Variants in SYN2 observed in about 807,000 individuals in gnomAD.
The protein encoded by SYN2 is synapsin-2.
A neutral mutation model predicts 50.9 loss-of-function variants in SYN2; 19 were observed. The ratio of observed to expected loss-of-function variants is 0.37; its 90% confidence interval spans 0.26 to 0.55. The LOEUF is 0.55. Ranked by LOEUF, SYN2 falls within the 20% of genes least tolerant of loss-of-function variation. The pLI is 0.81. For missense variants in SYN2, 587 were observed against 576.4 expected, an observed-to-expected ratio of 1.02 and a Z score of -0.19; for synonymous variants, 255 against 224.9, an observed-to-expected ratio of 1.13 and a Z score of -1.20.
At position 12,004,519 on chromosome 3, in the gene SYN2, G is replaced by A. The variant is rs759900410; in HGVS notation, c.-33G>A. 5.5e-6 allele frequency: 3 copies of A among 549,310 alleles called. No homozygotes were observed. The highest frequency in any genetic ancestry group is 4.0e-5 in the South Asian group (2 of 49,564). 34.0% of individuals were successfully genotyped at this position (549,310 alleles called of 1,614,324 possible). On this transcript the variant is annotated 5_prime_UTR_variant, in exon 1 of 13. Transcript: ENST00000621198. ...CTCTCCCTCCGCGCCACCAGACCCC[G>A]TAGCCCCGCGCGCCCCCAGCCCTTT...
At chr3:12,111,852 G>T (rs781262368) in intron 1 of SYN2, among the ~76,000 whole-genome samples, 1 of 152,192 alleles carries the variant, frequency 6.6e-6, no homozygotes, top group Non-Finnish European at 1.5e-5. Context: ...TCCTTGGCTA[G>T]TGTAGTGTGA....
chr3:12,071,864 T>G (rs1010746811), intron 1 of SYN2, among the ~76,000 whole-genome samples: 64 of 152,326 alleles, frequency 4.2e-4, no homozygotes, highest in Middle Eastern at 3.4e-3. Context: ...TAGCTGATGT[T>G]TTCCTGCCAG....
At chr3:12,117,287 T>C (rs1260381693) in intron 1 of SYN2, among the ~76,000 whole-genome samples, 1 of 152,198 alleles carries the variant, frequency 6.6e-6, no homozygotes, top group Non-Finnish European at 1.5e-5. Context: ...TTGTTATTCT[T>C]AGAGAAAACA....
intron 3 of SYN2, among the ~76,000 whole-genome samples, chr3:12,142,746 T>G (rs553072577): frequency 1.3e-4 from 20 of 152,228 alleles, no homozygotes; most frequent in African/African-American, 4.8e-4. Context: ...TCCCAGGAGC[T>G]CATTATGGCT....
chr3:12,103,953 A>G (rs1288576023), intron 1 of SYN2, among the ~76,000 whole-genome samples: 2 of 152,234 alleles, frequency 1.3e-5, no homozygotes, highest in East Asian at 3.8e-4. Flanking sequence ...ATCCAATTAT[A>G]TGATTTTTAG....
chr3:12,156,937 GA>G, intron 5 of SYN2: 1 of 1,609,834 alleles, frequency 6.2e-7, no homozygotes, highest in Non-Finnish European at 8.5e-7. Flanking sequence ...TTGAACATCT[GA>G]CAGGCAATTA....
chr3:12,184,924 C>G, intron 11 of SYN2: 1 of 985,642 alleles, frequency 1.0e-6, no homozygotes, highest in Non-Finnish European at 1.2e-6. Flanking sequence ...TTCCCTTCCA[C>G]CTCTATACTG....
At chr3:12,162,765 C>T (rs1697684079) in intron 7 of SYN2, among the ~76,000 whole-genome samples, 1 of 152,144 alleles carries the variant, frequency 6.6e-6, no homozygotes, top group Non-Finnish European at 1.5e-5. Context: ...TGCTACAGAA[C>T]ATTAAAAGCC....
Position 12,154,232 on chromosome 3 carries a change from A to G in SYN2, c.774+2906A>G, listed in dbSNP as rs1446523207. On this transcript the variant is annotated intron_variant, in intron 5 of 12. Coordinates refer to ENST00000621198, the MANE Select transcript of SYN2 (RefSeq NM_133625.6). ...CCCAACTTCATACAGTGCAGATCTC[A>G]AGTATAGTCTAGTAAGTGAATAAAT... The G allele has an allele frequency of 6.4e-6, 10 of 1,554,004 alleles. 1 individual carries two copies. The South Asian group carries it at 1.1e-4, about 16-fold the overall frequency.
intron 1 of SYN2, among the ~76,000 whole-genome samples, chr3:12,024,273 C>CA (rs1374251116): frequency 6.7e-6 from 1 of 149,290 alleles, no homozygotes; most frequent in Non-Finnish European, 1.5e-5. Flanking sequence ...TCTCCTGCCT[C>CA]AGTCTCCTAA....
intron 12 of SYN2, 71 bp from the exon 13 acceptor site, chr3:12,190,419 C>G: frequency 6.4e-7 from 1 of 1,563,556 alleles, no homozygotes; most frequent in Non-Finnish European, 8.8e-7. Flanking sequence ...TGTGTATCCT[C>G]ACGTCACCGT....
At chr3:12,095,310 C>T (rs1045947086) in intron 1 of SYN2, among the ~76,000 whole-genome samples, 2 of 149,864 alleles carry the variant, frequency 1.3e-5, no homozygotes, top group African/African-American at 4.9e-5. Context: ...ATTGGGAGGC[C>T]GAGGCAGGTG....
intron 1 of SYN2, among the ~76,000 whole-genome samples, chr3:12,096,067 T>C (rs1695926725): frequency 6.6e-6 from 1 of 152,214 alleles, no homozygotes; most frequent in African/African-American, 2.4e-5. Context: ...GGGGTCACTT[T>C]TGATACCTTC....
At chr3:12,178,013 C>T (rs1327450745) in intron 10 of SYN2, among the ~76,000 whole-genome samples, 2 of 152,218 alleles carry the variant, frequency 1.3e-5, no homozygotes, top group African/African-American at 4.8e-5. Flanking sequence ...GCGCTGGTGA[C>T]TGCAGGGGCA....
chr3:12,183,513 A>C (rs564221426), intron 11 of SYN2, 141 bp downstream of exon 11: 3 of 1,576,382 alleles, frequency 1.9e-6, no homozygotes, highest in Middle Eastern at 1.7e-4. Flanking sequence ...GGGGAGGGGA[A>C]AACAGACCCT....
intron 12 of SYN2, among the ~76,000 whole-genome samples, chr3:12,189,406 A>AAAG (rs1698405332): frequency 6.6e-6 from 1 of 152,190 alleles, no homozygotes. Flanking sequence ...AGAAACTTGT[A>AAAG]AAGGCCTGAT....
At chr3:12,136,975 G>T (rs1255890464) in intron 1 of SYN2, among the ~76,000 whole-genome samples, 1 of 152,112 alleles carries the variant, frequency 6.6e-6, no homozygotes. Context: ...GTGGGGCATG[G>T]TGACTCACTC....
At chr3:12,153,411 G>T in intron 5 of SYN2, 2 of 1,334,688 alleles carry the variant, frequency 1.5e-6, no homozygotes, top group Non-Finnish European at 2.1e-6. Flanking sequence ...CTTCTTATTA[G>T]CTGGCAGCAA....
intron 5 of SYN2, chr3:12,153,230 A>G (rs1300588123): frequency 2.0e-6 from 1 of 499,736 alleles, no homozygotes; most frequent in African/African-American, 1.9e-5. Flanking sequence ...TGGGGAGGAA[A>G]GGGAATAGTC....
Sources: gnomAD v4.1 joint callset for allele counts (sites outside exome capture counted in the v4.1 genomes callset) on GRCh38, gnomAD v4.1.1 for gene constraint, MANE v1.5 for transcripts, NCBI Gene and HGNC (gene_info 2026-07-23, HGNC 2026-07-21) for gene names.